Variants in SERPINB8 observed in about 807,000 individuals in gnomAD.
The protein encoded by SERPINB8 is serpin family B member 8.
In SERPINB8, 25 loss-of-function variants were observed where a neutral mutation model predicts 35.3. The ratio of observed to expected loss-of-function variants is 0.71; its 90% confidence interval spans 0.52 to 0.99. The LOEUF (loss-of-function observed/expected upper bound fraction) is 0.99, where lower values mean the gene tolerates loss of function less well. SERPINB8 is among the 50% of genes least tolerant of loss of function. SERPINB8 has a pLI of 0.00. For missense variants in SERPINB8, 484 were observed against 446.5 expected, an observed-to-expected ratio of 1.08 and a Z score of -0.76; for synonymous variants, 186 against 160.8, an observed-to-expected ratio of 1.16 and a Z score of -1.19.
intron 7 of SERPINB8, among the ~76,000 whole-genome samples, chr18:64,014,499 A>G (rs2050940645): frequency 6.6e-6 from 1 of 152,310 alleles, no homozygotes; most frequent in East Asian, 1.9e-4. Context: ...AATGGCTGGG[A>G]ACGCTGAAGA....
rs73484274 is a variant in SERPINB8 at position 63,986,336 on chromosome 18, C to G, written c.721-538C>G. 117,531 of 1,601,476 alleles carry G rather than the reference C, an allele frequency of 0.073. 4,994 individuals are homozygous for G. The highest frequency in any genetic ancestry group is 0.11 in the African/African-American group (8,027 of 74,428). ...CAAACAAGGATGCTGATGAAGTCTT[C>G]TTGCATTCCCCATTTCTCGTCTCAT... is the stretch of plus-strand genomic sequence containing the variant. On this transcript the variant is annotated intron_variant, in intron 6 of 6. Coordinates refer to ENST00000397985, the MANE Select transcript of SERPINB8 (RefSeq NM_002640.4).
intron 6 of SERPINB8, among the ~76,000 whole-genome samples, chr18:63,985,464 A>G (rs2050739649): frequency 6.6e-6 from 1 of 152,174 alleles, no homozygotes; most frequent in Admixed American, 6.5e-5. Context: ...AAGAAGAGAG[A>G]GTTCTAAATA....
At chr18:64,010,663 A>G (rs2050921991), downstream of SERPINB8, among the ~76,000 whole-genome samples, 1 of 152,124 alleles carries the variant, frequency 6.6e-6, no homozygotes, top group Non-Finnish European at 1.5e-5. Flanking sequence ...AATTAATAAC[A>G]GCTACCAACA....
chr18:64,015,107 A>G (rs2050943582), intron 7 of SERPINB8, among the ~76,000 whole-genome samples: 1 of 152,180 alleles, frequency 6.6e-6, no homozygotes, highest in South Asian at 2.1e-4. Flanking sequence ...TAGAAGCATA[A>G]TGGGCAAAAA....
At chr18:63,999,150 G>T (rs1372650356) in intron 1 of SERPINB8, among the ~76,000 whole-genome samples, 3 of 152,104 alleles carry the variant, frequency 2.0e-5, no homozygotes, top group African/African-American at 7.2e-5. Context: ...TCTCTCTCAT[G>T]GGTAGTCTGT....
chr18:64,014,775 T>C (rs1170121545), intron 7 of SERPINB8, among the ~76,000 whole-genome samples: 4 of 152,146 alleles, frequency 2.6e-5, no homozygotes, highest in African/African-American at 9.7e-5. Flanking sequence ...TCAGGCTCCA[T>C]GCCGTTTTTA....
At chr18:64,012,590 T>TGTGTGTGC (rs1555659863) in intron 7 of SERPINB8, among the ~76,000 whole-genome samples, 4 of 151,272 alleles carry the variant, frequency 2.6e-5, no homozygotes, top group African/African-American at 9.7e-5. Context: ...TGTGTGTGTG[T>TGTGTGTGC]GCGTGTGTGT....
At chr18:63,979,723 A>G in intron 2 of SERPINB8, 78 bp from the exon 3 acceptor site, 3 of 1,559,724 alleles carry the variant, frequency 1.9e-6, no homozygotes, top group Admixed American at 1.7e-5. Context: ...TTTTTTTAGT[A>G]CAGAGGTTTG....
Position 63,987,161 on chromosome 18 carries a change from G to T in SERPINB8, c.1008G>T (p.Arg336Ser). Residue 336 changes from arginine (R) to serine (S), a missense_variant, in exon 7 of 7, where the codon AGG (arginine) becomes AGT (serine). Transcript: ENST00000397985. Reference protein sequence around the residue: ...TEAAAATAVVRNSRCSRMEPR... With the variant: ...TEAAAATAVVSNSRCSRMEPR... ...CTGCCGCAGCCACTGCTGTGGTCAG[G>T]AATTCCCGGTGCAGCAGAATGGAGC... 8.1e-6 allele frequency: 13 copies of T among 1,614,208 alleles called. No individual in the cohort carries two copies. The highest frequency in any genetic ancestry group is 1.1e-5 in the Non-Finnish European group (13 of 1,180,048).
chr18:64,002,933 G>A (rs1456884840), intron 1 of SERPINB8, among the ~76,000 whole-genome samples: 1 of 152,208 alleles, frequency 6.6e-6, no homozygotes, highest in African/African-American at 2.4e-5. Context: ...GGATAATAAG[G>A]TCTGTGGGTG....
intron 7 of SERPINB8, among the ~76,000 whole-genome samples, chr18:64,013,916 G>A (rs1344416275): frequency 3.9e-5 from 6 of 152,172 alleles, no homozygotes; most frequent in Admixed American, 1.3e-4. Context: ...AATGAGGCCG[G>A]TAGATTTGGA....
At chr18:63,971,132 C>T (rs867671465) in intron 1 of SERPINB8, among the ~76,000 whole-genome samples, 1 of 152,048 alleles carries the variant, frequency 6.6e-6, no homozygotes, top group Non-Finnish European at 1.5e-5. Context: ...TCCCAGCACA[C>T]CCTGATGGCT....
intron 1 of SERPINB8, among the ~76,000 whole-genome samples, chr18:64,001,350 T>C (rs1404197135): frequency 1.3e-5 from 2 of 152,188 alleles, no homozygotes; most frequent in African/African-American, 4.8e-5. Flanking sequence ...GGGTGCTTTT[T>C]AGTATGTGAA....
intron 6 of SERPINB8, 77 bp from the exon 7 acceptor site, chr18:63,986,797 G>T: frequency 7.0e-7 from 1 of 1,419,932 alleles, no homozygotes. Flanking sequence ...TGTCATTGGG[G>T]GAGGGGTAAT....
intron 1 of SERPINB8, among the ~76,000 whole-genome samples, chr18:63,975,003 C>T (rs1387823177): frequency 6.6e-6 from 1 of 152,040 alleles, no homozygotes; most frequent in Non-Finnish European, 1.5e-5. Flanking sequence ...TAGCAGTTTG[C>T]AACTAAGAGC....
At chr18:64,000,067 C>G (rs2050867038) in intron 1 of SERPINB8, among the ~76,000 whole-genome samples, 1 of 152,198 alleles carries the variant, frequency 6.6e-6, no homozygotes, top group Non-Finnish European at 1.5e-5. Flanking sequence ...TCCAGCTGGC[C>G]AGCCAAGGAG....
At chr18:64,019,009 A>C (rs942800632) in exon 8 of SERPINB8, 2 of 152,174 alleles carry the variant, frequency 1.3e-5, no homozygotes, top group Non-Finnish European at 2.9e-5. Flanking sequence ...GACTGTCACA[A>C]TCTTTGTGCT....
At chr18:63,979,108 T>G (rs2050629221) in intron 2 of SERPINB8, among the ~76,000 whole-genome samples, 1 of 152,028 alleles carries the variant, frequency 6.6e-6, no homozygotes. Flanking sequence ...ATATCAGGAG[T>G]GTATAGACAG....
chr18:63,999,934 G>T (rs139297845), intron 1 of SERPINB8, among the ~76,000 whole-genome samples: 2 of 152,150 alleles, frequency 1.3e-5, no homozygotes, highest in Admixed American at 6.5e-5. Flanking sequence ...AGTGAGAAAA[G>T]GTTGTGCACC....
Sources: allele counts gnomAD v4.1 joint callset (sites outside exome capture counted in the v4.1 genomes callset), GRCh38; gene constraint gnomAD v4.1.1; transcripts MANE v1.5; gene names NCBI Gene and HGNC (gene_info 2026-07-23, HGNC 2026-07-21).